DAP: variants seen among roughly 807,000 people sequenced by gnomAD.
DAP encodes the protein death-associated protein 1.
A neutral mutation model predicts 13.8 loss-of-function variants in DAP; 8 were observed. That is an observed-to-expected ratio of 0.58 (90% CI 0.34 to 1.05). DAP has a LOEUF of 1.05. Ranked by LOEUF, DAP falls within the 50% of genes least tolerant of loss-of-function variation. The pLI is 0.03. For missense variants in DAP, 106 were observed against 133.2 expected, an observed-to-expected ratio of 0.80 and a Z score of 1.01; for synonymous variants, 47 against 47.5, an observed-to-expected ratio of 0.99 and a Z score of 0.04.
At chr5:10,729,272 G>C (rs751664661) in intron 2 of DAP, among the ~76,000 whole-genome samples, 10 of 152,158 alleles carry the variant, frequency 6.6e-5, no homozygotes, top group Non-Finnish European at 1.3e-4. Context: ...ATGAATTCAT[G>C]CTCTTATAAT....
intron 2 of DAP, among the ~76,000 whole-genome samples, chr5:10,687,153 GAAAA>G (rs1337511544): frequency 2.0e-5 from 3 of 152,058 alleles, no homozygotes; most frequent in Non-Finnish European, 4.4e-5. Flanking sequence ...CTACTGCTCA[GAAAA>G]AAAGATTCCT....
In DAP at chr5:10,761,169, G is replaced by A. The variant is rs905778966; in HGVS notation, c.-101C>T. ...GGTGTGAGCGCCGGGGAGCGAGCGGGCGGGAGAACGACGCGCGCGCGTGGG... is the reference window on the plus strand; with the variant it reads ...GGTGTGAGCGCCGGGGAGCGAGCGGACGGGAGAACGACGCGCGCGCGTGGG... On this transcript the variant is annotated 5_prime_UTR_variant, in exon 1 of 4. Transcript: ENST00000230895. 18 of 645,408 alleles carry A rather than the reference G, an allele frequency of 2.8e-5. No individual in the cohort carries two copies. The highest frequency in any genetic ancestry group is 3.6e-5 in the Non-Finnish European group (17 of 474,872). The allele number at this position is 645,408 out of a possible 1,614,324, so 40.0% of individuals were successfully genotyped here.
intron 2 of DAP, among the ~76,000 whole-genome samples, chr5:10,739,538 T>C (rs1272843552): frequency 6.6e-6 from 1 of 152,032 alleles, no homozygotes; most frequent in African/African-American, 2.4e-5. Flanking sequence ...AAGAGGTCCA[T>C]CTTGGTTGGA....
intron 2 of DAP, among the ~76,000 whole-genome samples, chr5:10,726,165 G>A (rs1212200991): frequency 6.6e-6 from 1 of 152,226 alleles, no homozygotes; most frequent in African/African-American, 2.4e-5. Context: ...TTGGACAGTT[G>A]TCATTTATAC....
intron 2 of DAP, among the ~76,000 whole-genome samples, chr5:10,702,820 C>A (rs1738614922): frequency 6.6e-6 from 1 of 152,292 alleles, no homozygotes; most frequent in Middle Eastern, 3.4e-3. Flanking sequence ...AAAGACTAAG[C>A]ATCAAAGGTA....
chr5:10,725,295 G>A (rs1261842737), intron 2 of DAP, among the ~76,000 whole-genome samples: 3 of 152,158 alleles, frequency 2.0e-5, no homozygotes, highest in South Asian at 2.1e-4. Context: ...GTCTCCAATC[G>A]CTAGCCTCTG....
intron 2 of DAP, among the ~76,000 whole-genome samples, chr5:10,745,484 C>T (rs1463973426): frequency 6.6e-6 from 1 of 152,168 alleles, no homozygotes; most frequent in Non-Finnish European, 1.5e-5. Flanking sequence ...AGATAGAGAA[C>T]AAATCTTTAA....
Position 10,715,872 on chromosome 5 carries a change from C to T in DAP, c.153-32301G>A, listed in dbSNP as rs3797131. On this transcript the variant is annotated intron_variant, in intron 2 of 3. Coordinates refer to ENST00000230895, the MANE Select transcript of DAP (RefSeq NM_004394.3). ...TTTCTTTGCATGTCAGCTTGTCACACGTAACAATTAATTTGATGATCCCAA... is the reference window on the plus strand; with the variant it reads ...TTTCTTTGCATGTCAGCTTGTCACATGTAACAATTAATTTGATGATCCCAA... 4.6e-4 allele frequency among the ~76,000 whole-genome samples: 70 copies of T among 152,296 alleles called. No individual in the cohort carries two copies. In the East Asian group the frequency reaches 0.011, roughly 24 times the overall value.
intron 2 of DAP, among the ~76,000 whole-genome samples, chr5:10,733,464 G>A (rs1474641169): frequency 2.0e-5 from 3 of 152,120 alleles, no homozygotes; most frequent in African/African-American, 7.2e-5. Context: ...AGCAAAATCT[G>A]ACATCTCACC....
intron 2 of DAP, among the ~76,000 whole-genome samples, chr5:10,708,691 G>C (rs961545667): frequency 1.3e-5 from 2 of 152,200 alleles, no homozygotes; most frequent in Non-Finnish European, 2.9e-5. Flanking sequence ...GTCATCGTAA[G>C]CAATGGGGGA....
At chr5:10,715,575 A>T (rs1738963116) in intron 2 of DAP, among the ~76,000 whole-genome samples, 1 of 152,248 alleles carries the variant, frequency 6.6e-6, no homozygotes, top group Admixed American at 6.5e-5. Flanking sequence ...CAGCAAAGGT[A>T]CTTTTGAAGA....
chr5:10,697,014 A>G (rs2126642639), intron 2 of DAP, among the ~76,000 whole-genome samples: 1 of 152,324 alleles, frequency 6.6e-6, no homozygotes. Context: ...TTTTAGGAAG[A>G]ATGTAGGTTA....
rs367644842 is a variant in DAP at position 10,748,309 on chromosome 5, A to C, written c.56-38T>G. ...CAGAGAGTGTGGGATTAATGTGGAAATGGGGCTGCCTGTGGATCAGGGGGA... is the reference window on the plus strand; with the variant it reads ...CAGAGAGTGTGGGATTAATGTGGAACTGGGGCTGCCTGTGGATCAGGGGGA... On this transcript the variant is annotated intron_variant, in intron 1 of 3. Coordinates refer to ENST00000230895, the MANE Select transcript of DAP (RefSeq NM_004394.3). 1.9e-5 allele frequency: 29 copies of C among 1,566,638 alleles called. No homozygotes were observed. The Middle Eastern group carries it at 6.7e-4, about 36-fold the overall frequency.
intron 2 of DAP, among the ~76,000 whole-genome samples, chr5:10,724,591 G>C (rs542743782): frequency 2.0e-5 from 3 of 152,336 alleles, no homozygotes; most frequent in African/African-American, 7.2e-5. Flanking sequence ...ATTTCAGGTA[G>C]ACCAGGGGAG....
intron 2 of DAP, among the ~76,000 whole-genome samples, chr5:10,684,224 G>T (rs1304240214): frequency 6.6e-6 from 1 of 152,230 alleles, no homozygotes; most frequent in Non-Finnish European, 1.5e-5. Context: ...TAAAGCAGGG[G>T]AGAAGTAGCT....
intron 2 of DAP, among the ~76,000 whole-genome samples, chr5:10,745,069 C>G (rs972396174): frequency 3.9e-5 from 6 of 152,138 alleles, no homozygotes; most frequent in Non-Finnish European, 8.8e-5. Flanking sequence ...TAGAACAGAG[C>G]CGAGCTCATT....
intron 2 of DAP, among the ~76,000 whole-genome samples, chr5:10,701,459 G>C (rs1012743122): frequency 1.3e-5 from 2 of 152,220 alleles, no homozygotes; most frequent in Non-Finnish European, 2.9e-5. Context: ...GGGGCTGAGA[G>C]CCCTAAAATG....
chr5:10,751,023 C>A (rs1342837990), intron 1 of DAP, among the ~76,000 whole-genome samples: 1 of 152,356 alleles, frequency 6.6e-6, no homozygotes, highest in African/African-American at 2.4e-5. Context: ...AAGGAGACCT[C>A]TGTCCCCATG....
At chr5:10,759,283 A>C (rs1740279433) in intron 1 of DAP, among the ~76,000 whole-genome samples, 1 of 152,184 alleles carries the variant, frequency 6.6e-6, no homozygotes, top group African/African-American at 2.4e-5. Flanking sequence ...CTTTAATGTA[A>C]CCCATGTCCT....
Sources: gnomAD v4.1 joint callset for allele counts (sites outside exome capture counted in the v4.1 genomes callset) on GRCh38, gnomAD v4.1.1 for gene constraint, MANE v1.5 for transcripts, NCBI Gene and HGNC (gene_info 2026-07-23, HGNC 2026-07-21) for gene names.